Variants in ETNK1 observed in about 807,000 individuals in gnomAD.
ETNK1 encodes the protein ethanolamine kinase 1.
A neutral mutation model predicts 45.1 loss-of-function variants in ETNK1; 8 were observed. That is an observed-to-expected ratio of 0.18 (90% CI 0.10 to 0.32). ETNK1 has a LOEUF of 0.32. ETNK1 is among the 10% of genes least tolerant of loss of function. The pLI is 1.00. For missense variants in ETNK1, 302 were observed against 430.6 expected (o/e 0.70, Z 2.64); for synonymous variants, 152 against 151.9 (o/e 1.00, Z -0.01).
intron 2 of ETNK1, chr12:22,656,669 C>T: frequency 1.0e-5 from 10 of 985,292 alleles, no homozygotes; most frequent in Non-Finnish European, 1.2e-5. Context: ...ACAGTTCCAG[C>T]ACGTGTGTCC....
intron 6 of ETNK1, among the ~76,000 whole-genome samples, chr12:22,677,349 G>A (rs367547278): frequency 9.9e-5 from 15 of 152,244 alleles, no homozygotes; most frequent in African/African-American, 3.1e-4. Context: ...TGAGACCTCT[G>A]TTCTGTTCCA....
At chr12:22,661,407 G>A (rs1953998248) in intron 4 of ETNK1, among the ~76,000 whole-genome samples, 1 of 152,110 alleles carries the variant, frequency 6.6e-6, no homozygotes, top group South Asian at 2.1e-4. Context: ...TATAAAATAT[G>A]TTTTTTAGAA....
At chr12:22,665,489 G>A (rs1350077262) in intron 4 of ETNK1, among the ~76,000 whole-genome samples, 1 of 152,106 alleles carries the variant, frequency 6.6e-6, no homozygotes, top group African/African-American at 2.4e-5. Context: ...CAAGGACTTA[G>A]CAGCTCTTAG....
intron 1 of ETNK1, chr12:22,626,117 T>C (rs546643001): frequency 3.1e-6 from 1 of 325,360 alleles, no homozygotes; most frequent in East Asian, 8.4e-5. Flanking sequence ...GCTAGGTCGG[T>C]TCTTAGGCAG....
chr12:22,625,752 A>C lies in ETNK1; in HGVS notation c.156+166A>C, dbSNP rs557070741. The C allele has an allele frequency of 1.1e-4, 110 of 1,030,460 alleles. No homozygotes were observed. In the African/African-American group the frequency reaches 1.6e-3, roughly 15 times the overall value. 63.8% of individuals were successfully genotyped at this position (1,030,460 alleles called of 1,614,324 possible). On this transcript the variant is annotated intron_variant, in intron 1 of 7. Transcript: ENST00000266517. ...ATTTCCCCTCACACCTAGGAGGGTC[A>C]CTCCCCCTTCCCGTCGCAGTTGCTC...
At chr12:22,655,226 C>G (rs930261913) in intron 2 of ETNK1, among the ~76,000 whole-genome samples, 1 of 152,128 alleles carries the variant, frequency 6.6e-6, no homozygotes, top group African/African-American at 2.4e-5. Context: ...CCTTGGCCTC[C>G]CAAAGTGTTG....
rs567735765 is a variant in ETNK1, at chr12:22,634,492, G to T, written c.156+8906G>T. ...GGAAGAGTTGCTTTTAATAATACAT[G>T]TTTAAGGTCTGTAGTGAAGTTCATT... On this transcript the variant is annotated intron_variant, in intron 1 of 7. Transcript: ENST00000266517. Among the ~76,000 whole-genome samples, 155 of 152,180 alleles carry T rather than the reference G, an allele frequency of 1.0e-3. 1 individual carries two copies. The highest frequency in any genetic ancestry group is 3.7e-3 in the African/African-American group (152 of 41,532).
chr12:22,673,099 A>G (rs1954126462), intron 5 of ETNK1, among the ~76,000 whole-genome samples: 1 of 152,106 alleles, frequency 6.6e-6, no homozygotes, highest in East Asian at 1.9e-4. Flanking sequence ...CCGTCTCCAA[A>G]AAAAAAAGTA....
intron 1 of ETNK1, among the ~76,000 whole-genome samples, chr12:22,631,814 G>T (rs1174210548): frequency 1.3e-5 from 2 of 152,102 alleles, no homozygotes; most frequent in Admixed American, 1.3e-4. Flanking sequence ...TAAGAAATCA[G>T]AGGTTCTATT....
At position 22,685,726 on chromosome 12, in the gene ETNK1, AT is replaced by A. The variant is rs976265388; in HGVS notation, c.*776del. Reference sequence around the variant, plus strand: ...TCAAATGCTAAATATGGTCGTTACTATTTTCAGTTTTAAAAATTTTATAGTA... The same window carrying A: ...TCAAATGCTAAATATGGTCGTTACTATTTCAGTTTTAAAAATTTTATAGTA... On this transcript the variant is annotated 3_prime_UTR_variant, in exon 8 of 8. Coordinates refer to ENST00000266517, the MANE Select transcript of ETNK1 (RefSeq NM_018638.5). 4.0e-5 allele frequency: 6 copies of A among 150,518 alleles called. No homozygotes were observed. The highest frequency in any genetic ancestry group is 7.4e-5 in the Non-Finnish European group (5 of 67,150). 9.3% of individuals were successfully genotyped at this position (150,518 alleles called of 1,614,324 possible).
chr12:22,671,824 G>A (rs1329096882), intron 5 of ETNK1, among the ~76,000 whole-genome samples: 1 of 135,380 alleles, frequency 7.4e-6, no homozygotes, highest in Non-Finnish European at 1.5e-5. Context: ...GGGCGATAGA[G>A]CAAGACTCCA....
At chr12:22,668,375 A>G (rs1954075417) in intron 4 of ETNK1, among the ~76,000 whole-genome samples, 1 of 152,220 alleles carries the variant, frequency 6.6e-6, no homozygotes, top group African/African-American at 2.4e-5. Context: ...GTTGTTAGGA[A>G]AGCATTTTCC....
At chr12:22,641,366 T>C (rs1953734307) in intron 1 of ETNK1, among the ~76,000 whole-genome samples, 1 of 152,164 alleles carries the variant, frequency 6.6e-6, no homozygotes, top group South Asian at 2.1e-4. Flanking sequence ...CAGCAGTCAC[T>C]CATATTAGCC....
chr12:22,674,383 C>T (rs1391347376), intron 6 of ETNK1, among the ~76,000 whole-genome samples: 2 of 152,122 alleles, frequency 1.3e-5, no homozygotes, highest in East Asian at 1.9e-4. Flanking sequence ...TGTGTTGTCT[C>T]TACAGATAGA....
chr12:22,630,643 C>G (rs527726958), intron 1 of ETNK1, among the ~76,000 whole-genome samples: 4 of 151,974 alleles, frequency 2.6e-5, no homozygotes, highest in African/African-American at 9.7e-5. Context: ...GACAGAGTCT[C>G]GCTGTAGCCC....
intron 1 of ETNK1, among the ~76,000 whole-genome samples, chr12:22,641,130 C>T (rs557341778): frequency 6.6e-6 from 1 of 152,190 alleles, no homozygotes; most frequent in Admixed American, 6.5e-5. Flanking sequence ...TAGAAACTCA[C>T]CTGTAGCTGA....
chr12:22,636,602 A>C (rs1953658134), intron 1 of ETNK1, among the ~76,000 whole-genome samples: 1 of 152,192 alleles, frequency 6.6e-6, no homozygotes, highest in South Asian at 2.1e-4. Flanking sequence ...TGTAAGCAGC[A>C]TATAGAGTTG....
chr12:22,625,223 C>G lies in ETNK1; in HGVS notation c.-208C>G, dbSNP rs542644522. On this transcript the variant is annotated 5_prime_UTR_variant, in exon 1 of 8. Transcript: ENST00000266517. ...ACAGGAATTTTCTCCGAGAGCGGGCCGGGCTCAGTTCAGCTGCTGTCCAGA... is the reference window on the plus strand; with the variant it reads ...ACAGGAATTTTCTCCGAGAGCGGGCGGGGCTCAGTTCAGCTGCTGTCCAGA... The G allele has an allele frequency of 1.9e-6, 3 of 1,611,194 alleles. No homozygotes were observed. The highest frequency in any genetic ancestry group is 1.7e-6 in the Non-Finnish European group (2 of 1,179,016).
At chr12:22,626,990 T>C (rs1953510466) in intron 1 of ETNK1, among the ~76,000 whole-genome samples, 2 of 152,158 alleles carry the variant, frequency 1.3e-5, no homozygotes, top group South Asian at 4.1e-4. Flanking sequence ...ACATAAAACA[T>C]TATTAATTAA....
Sources: gnomAD v4.1 joint callset for allele counts (sites outside exome capture counted in the v4.1 genomes callset) on GRCh38, gnomAD v4.1.1 for gene constraint, MANE v1.5 for transcripts, NCBI Gene and HGNC (gene_info 2026-07-23, HGNC 2026-07-21) for gene names.